The following ZBTB16 variants were observed in gnomAD, a reference collection of about 807,000 sequenced individuals.
ZBTB16 encodes zinc finger and BTB domain containing 16.
ZBTB16 carries 8 observed loss-of-function variants against 56.8 expected under a neutral mutation model. The observed-to-expected ratio is 0.14, with a 90% CI of 0.08 to 0.25. The LOEUF is 0.25. Ranked by LOEUF, ZBTB16 falls within the 10% of genes least tolerant of loss-of-function variation. The pLI, the probability that ZBTB16 is intolerant of heterozygous loss-of-function variation, is 1.00. For synonymous variants in ZBTB16, 363 were observed against 368.5 expected (o/e 0.98, Z 0.17); for missense variants, 625 against 903.0 (o/e 0.69, Z 3.95).
intron 2 of ZBTB16, among the ~76,000 whole-genome samples, chr11:114,153,786 C>T (rs1325134292): frequency 6.6e-6 from 1 of 152,156 alleles, no homozygotes. Flanking sequence ...ATGGGTAAGA[C>T]TTTTGAATGA....
intron 1 of ZBTB16, chr11:114,061,359 G>C (rs1938853237): frequency 6.6e-6 from 1 of 152,200 alleles, no homozygotes; most frequent in African/African-American, 2.4e-5. Flanking sequence ...TCTTTTGGCT[G>C]TTCCCTCCTA....
chr11:114,163,565 C>T (rs1942657135), intron 3 of ZBTB16, among the ~76,000 whole-genome samples: 1 of 152,120 alleles, frequency 6.6e-6, no homozygotes, highest in South Asian at 2.1e-4. Flanking sequence ...GCCTGGGTCC[C>T]CCGGTCCTAG....
intron 1 of ZBTB16, among the ~76,000 whole-genome samples, chr11:114,062,465 T>C (rs371918878): frequency 6.6e-6 from 1 of 152,234 alleles, no homozygotes; most frequent in Non-Finnish European, 1.5e-5. Flanking sequence ...TTTTATATTA[T>C]ACATACAATA....
chr11:114,094,703 C>G (rs1940315544), intron 2 of ZBTB16, among the ~76,000 whole-genome samples: 1 of 152,242 alleles, frequency 6.6e-6, no homozygotes, highest in Non-Finnish European at 1.5e-5. Flanking sequence ...TGGCTCTTAA[C>G]TAGGGTCTAT....
intron 2 of ZBTB16, among the ~76,000 whole-genome samples, chr11:114,136,538 C>G (rs985704461): frequency 3.9e-5 from 6 of 151,966 alleles, no homozygotes; most frequent in South Asian, 2.1e-4. Flanking sequence ...AGAGCTGTTC[C>G]CCCTACTATT....
rs531272196 is a variant in ZBTB16, at chr11:114,250,917, C to T, written c.*362C>T. The stretch of plus-strand genomic sequence containing the variant: ...GAAAGCAGGTGAGAGGTCCTCTGGT[C>T]AGAGCCACACGGTCTGTGCCGGCCT... On this transcript the variant is annotated 3_prime_UTR_variant, in exon 7 of 7. Transcript: ENST00000335953. The surrounding 1 kb of genome is among the most constrained non-coding windows in gnomAD (Gnocchi z 6.0). Among the ~76,000 whole-genome samples the T allele has an allele frequency of 1.3e-5, 2 of 152,308 alleles. No homozygotes were observed. Among genetic ancestry groups the T allele is most frequent in the South Asian group, 4.1e-4 (2 of 4,824 alleles).
At chr11:114,120,580 A>G (rs1941314372) in intron 2 of ZBTB16, among the ~76,000 whole-genome samples, 1 of 151,884 alleles carries the variant, frequency 6.6e-6, no homozygotes, top group African/African-American at 2.4e-5. Flanking sequence ...AATTTGTCCC[A>G]TTTTCTTCAA....
At chr11:114,195,246 G>A (rs1229186642) in intron 4 of ZBTB16, among the ~76,000 whole-genome samples, 3 of 152,108 alleles carry the variant, frequency 2.0e-5, no homozygotes, top group Non-Finnish European at 4.4e-5. Context: ...GCATGCCCTC[G>A]GGAGAAAATG....
At chr11:114,148,465 C>T (rs369346743) in intron 2 of ZBTB16, among the ~76,000 whole-genome samples, 16,596 of 53,084 alleles carry the variant, frequency 0.31, 5,225 homozygotes, top group Middle Eastern at 0.52. Flanking sequence ...CTGTCTCTCT[C>T]TCTCTCTTTC....
rs509103 is a variant in ZBTB16 at position 114,252,817 on chromosome 11, T to A, written c.*2262T>A. ...CGGCCCCAGCCCTCCTGCCCTCCCCTTCAATCTCATCCACCAAATCTGAAG... is the reference window on the plus strand; with the variant it reads ...CGGCCCCAGCCCTCCTGCCCTCCCCATCAATCTCATCCACCAAATCTGAAG... On this transcript the variant is annotated 3_prime_UTR_variant, in exon 7 of 7. Transcript: ENST00000335953. Among the ~76,000 whole-genome samples the A allele has an allele frequency of 5.3e-5, 8 of 150,770 alleles. No individual in the cohort carries two copies. The highest frequency in any genetic ancestry group is 2.0e-4 in the East Asian group (1 of 5,096).
chr11:114,204,170 C>A (rs77216372), intron 4 of ZBTB16, among the ~76,000 whole-genome samples: 1 of 125,074 alleles, frequency 8.0e-6, no homozygotes, highest in East Asian at 2.1e-4. Flanking sequence ...TTTTTTTTTT[C>A]TGAGACACAG....
chr11:114,171,386 A>G (rs1942963519), intron 3 of ZBTB16, among the ~76,000 whole-genome samples: 1 of 152,182 alleles, frequency 6.6e-6, no homozygotes. Flanking sequence ...AATCTCTATC[A>G]GGAGCTAGGA....
intron 3 of ZBTB16, among the ~76,000 whole-genome samples, chr11:114,159,943 G>GGC (rs1430328211): frequency 6.9e-6 from 1 of 145,008 alleles, no homozygotes. Context: ...GAGGCGGGGG[G>GGC]GAGGCGAGCA....
chr11:114,172,768 T>C (rs983590372), intron 3 of ZBTB16, among the ~76,000 whole-genome samples: 3 of 152,160 alleles, frequency 2.0e-5, no homozygotes, highest in Non-Finnish European at 2.9e-5. Context: ...AACAAACCTT[T>C]CTGTTTTCAA....
intron 2 of ZBTB16, among the ~76,000 whole-genome samples, chr11:114,080,834 C>G (rs1362958329): frequency 6.6e-6 from 1 of 152,224 alleles, no homozygotes; most frequent in African/African-American, 2.4e-5. Context: ...AGGAATAGCA[C>G]AGAGAGGTTG....
intron 3 of ZBTB16, among the ~76,000 whole-genome samples, chr11:114,183,874 A>ATG (rs1284631260): frequency 6.6e-6 from 1 of 152,196 alleles, no homozygotes; most frequent in African/African-American, 2.4e-5. Flanking sequence ...AACACATGTC[A>ATG]TGACTGCTTT....
chr11:114,074,026 T>G (rs1409659063), intron 2 of ZBTB16, among the ~76,000 whole-genome samples: 2 of 152,236 alleles, frequency 1.3e-5, no homozygotes, highest in Non-Finnish European at 2.9e-5. Flanking sequence ...GGCAAATGAC[T>G]TCACCTCTGT....
intron 2 of ZBTB16, among the ~76,000 whole-genome samples, chr11:114,091,349 A>C (rs1267383596): frequency 2.6e-5 from 4 of 152,024 alleles, no homozygotes; most frequent in African/African-American, 7.2e-5. Flanking sequence ...CCTGTCTCAA[A>C]ACAAAACAAA....
intron 2 of ZBTB16, among the ~76,000 whole-genome samples, chr11:114,130,173 T>G (rs901155287): frequency 6.6e-6 from 1 of 152,230 alleles, no homozygotes; most frequent in African/African-American, 2.4e-5. Flanking sequence ...TTTCTGGGGG[T>G]AAACAGCAAA....
Sources: gnomAD v4.1 joint callset for allele counts (sites outside exome capture counted in the v4.1 genomes callset) on GRCh38, gnomAD v4.1.1 for gene constraint, Gnocchi (gnomAD v3.1) non-coding constraint, MANE v1.5 for transcripts, NCBI Gene and HGNC (gene_info 2026-07-23, HGNC 2026-07-21) for gene names.